Variants in TTC28 observed in about 807,000 individuals in gnomAD.
TTC28 encodes tetratricopeptide repeat domain 28, also known as tetratricopeptide repeat protein 28.
A neutral mutation model predicts 198.0 loss-of-function variants in TTC28; 61 were observed. That is an observed-to-expected ratio of 0.31 (90% CI 0.25 to 0.38). The LOEUF (loss-of-function observed/expected upper bound fraction) is 0.38. Among genes scored for constraint, TTC28 ranks in the 10% least tolerant of loss-of-function variants. The pLI is 1.00. For missense variants in TTC28, 2,678 were observed against 3,164.0 expected (o/e 0.85, Z 3.69); for synonymous variants, 1,171 against 1,297.8 (o/e 0.90, Z 2.10).
chr22:28,003,617 C>T (rs778974848), intron 14 of TTC28, among the ~76,000 whole-genome samples: 2 of 152,166 alleles, frequency 1.3e-5, no homozygotes, highest in Non-Finnish European at 1.5e-5. Flanking sequence ...ATAGACAAGT[C>T]CCTGGTCATG....
chr22:28,613,879 G>A (rs368238684), intron 2 of TTC28, among the ~76,000 whole-genome samples: 6 of 152,062 alleles, frequency 3.9e-5, no homozygotes, highest in Non-Finnish European at 7.4e-5. Context: ...TTTGAAAACC[G>A]GCACAAGACA....
chr22:28,362,138 T>A (rs973104702), intron 2 of TTC28, among the ~76,000 whole-genome samples: 1 of 152,172 alleles, frequency 6.6e-6, no homozygotes, highest in African/African-American at 2.4e-5. Context: ...TGTGGCTGTG[T>A]CTCCATCCAA....
chr22:28,267,248 C>T (rs544495835), intron 5 of TTC28, among the ~76,000 whole-genome samples: 2 of 152,162 alleles, frequency 1.3e-5, no homozygotes, highest in South Asian at 2.1e-4. Context: ...CCTAACTACA[C>T]AGAAATACTG....
At chr22:28,636,835 T>G (rs2051281001) in intron 1 of TTC28, among the ~76,000 whole-genome samples, 1 of 152,166 alleles carries the variant, frequency 6.6e-6, no homozygotes, top group South Asian at 2.1e-4. Context: ...CTTTTTCATC[T>G]TTGTTGACTG....
chr22:28,219,238 G>C (rs1178552259), intron 5 of TTC28, among the ~76,000 whole-genome samples: 1 of 152,164 alleles, frequency 6.6e-6, no homozygotes, highest in Non-Finnish European at 1.5e-5. Context: ...TCTGGGCGTG[G>C]TGGCTCACGC....
intron 2 of TTC28, among the ~76,000 whole-genome samples, chr22:28,608,616 CAAG>C (rs976381721): frequency 2.6e-5 from 4 of 151,944 alleles, no homozygotes; most frequent in Non-Finnish European, 5.9e-5. Flanking sequence ...TGTGCATTCC[CAAG>C]AAGGACCTAA....
At chr22:28,460,965 T>G (rs2047941697) in intron 2 of TTC28, among the ~76,000 whole-genome samples, 1 of 152,186 alleles carries the variant, frequency 6.6e-6, no homozygotes, top group Non-Finnish European at 1.5e-5. Context: ...ATTACAGGCA[T>G]AAGCCACCAT....
chr22:28,090,591 T>C (rs1302631263), intron 12 of TTC28, among the ~76,000 whole-genome samples: 6 of 152,188 alleles, frequency 3.9e-5, no homozygotes, highest in East Asian at 1.9e-4. Flanking sequence ...GGCATAAACA[T>C]GTAAAAAGAT....
At chr22:28,414,063 C>G (rs1478842779) in intron 2 of TTC28, among the ~76,000 whole-genome samples, 3 of 152,194 alleles carry the variant, frequency 2.0e-5, no homozygotes. Context: ...ATTCTTTTCA[C>G]CTATTTCTGT....
intron 2 of TTC28, among the ~76,000 whole-genome samples, chr22:28,567,479 C>CATACATATATATATATATATAT (rs751694635): frequency 2.0e-5 from 1 of 51,126 alleles, no homozygotes; most frequent in African/African-American, 7.0e-5. Context: ...TACATACATA[C>CATACATATATATATATATATAT]ATATATATAT....
At chr22:28,332,993 A>T (rs1170225087) in intron 2 of TTC28, among the ~76,000 whole-genome samples, 1 of 152,120 alleles carries the variant, frequency 6.6e-6, no homozygotes, top group East Asian at 1.9e-4. Context: ...AGAGAACAGC[A>T]ATGTAAATGT....
chr22:28,171,459 T>G (rs1922664708), intron 5 of TTC28, among the ~76,000 whole-genome samples: 1 of 152,178 alleles, frequency 6.6e-6, no homozygotes, highest in South Asian at 2.1e-4. Context: ...AGGGCATTTC[T>G]TTACGAAATG....
At chr22:28,621,766 A>G (rs1423341242) in intron 2 of TTC28, among the ~76,000 whole-genome samples, 1 of 150,034 alleles carries the variant, frequency 6.7e-6, no homozygotes, top group Non-Finnish European at 1.5e-5. Flanking sequence ...AAAAAAAGAA[A>G]GAAAGAAAGA....
chr22:28,577,616 T>C (rs1457790333), intron 2 of TTC28, among the ~76,000 whole-genome samples: 1 of 152,108 alleles, frequency 6.6e-6, no homozygotes, highest in East Asian at 1.9e-4. Context: ...TCTTCAGTTA[T>C]AATATTTTCT....
intron 2 of TTC28, among the ~76,000 whole-genome samples, chr22:28,513,391 T>C (rs1190980830): frequency 6.6e-6 from 1 of 152,182 alleles, no homozygotes; most frequent in African/African-American, 2.4e-5. Flanking sequence ...ATGGAAGTGG[T>C]ATATTGACTT....
intron 2 of TTC28, among the ~76,000 whole-genome samples, chr22:28,315,132 C>T (rs2045332549): frequency 6.6e-6 from 1 of 151,970 alleles, no homozygotes; most frequent in African/African-American, 2.4e-5. Context: ...TGCTCTGCTC[C>T]CTAGAGAACC....
At chr22:28,062,419 T>TC (rs986296761) in intron 12 of TTC28, among the ~76,000 whole-genome samples, 1 of 150,716 alleles carries the variant, frequency 6.6e-6, no homozygotes, top group African/African-American at 2.4e-5. Context: ...TCTTCTTTTT[T>TC]TTTTTTTTTT....
At chr22:28,449,893 G>C (rs5752745) in intron 2 of TTC28, among the ~76,000 whole-genome samples, 60,185 of 151,902 alleles carry the variant, frequency 0.4, 14,075 homozygotes, top group East Asian at 0.62. Flanking sequence ...TTTCATGAAA[G>C]GAACCAAGAA....
intron 2 of TTC28, among the ~76,000 whole-genome samples, chr22:28,517,609 G>C (rs2048815938): frequency 6.6e-6 from 1 of 152,184 alleles, no homozygotes. Context: ...CAAGCCAATG[G>C]CAAGGCTATT....
Sources: gnomAD v4.1 joint callset for allele counts (sites outside exome capture counted in the v4.1 genomes callset) on GRCh38, gnomAD v4.1.1 for gene constraint, MANE v1.5 for transcripts, NCBI Gene and HGNC (gene_info 2026-07-23, HGNC 2026-07-21) for gene names.